Variants in IRAG2 observed in about 807,000 individuals in gnomAD.
The protein encoded by IRAG2 is lymphoid restricted membrane protein.
IRAG2 carries 45 observed loss-of-function variants against 69.9 expected under a neutral mutation model. That is an observed-to-expected ratio of 0.64 (90% CI 0.51 to 0.83). IRAG2 has a LOEUF of 0.83. IRAG2 is among the 40% of genes least tolerant of loss of function. The pLI is 0.00. For missense variants in IRAG2, 520 were observed against 587.0 expected (o/e 0.89, Z 1.18); for synonymous variants, 193 against 202.4 (o/e 0.95, Z 0.40).
chr12:25,015,150 G>GTTTTTTTTTTTTTT (rs1436751678), intron 3 of IRAG2: 1 of 925,694 alleles, frequency 1.1e-6, no homozygotes, highest in African/African-American at 3.0e-5. Context: ...TAGCTCACTG[G>GTTTTTTTTTTTTTT]TTTTGTTTTT....
At chr12:25,021,461 A>C (rs552307732) in intron 7 of IRAG2, among the ~76,000 whole-genome samples, 5 of 152,150 alleles carry the variant, frequency 3.3e-5, no homozygotes, top group Non-Finnish European at 5.9e-5. Context: ...TTAAAAAAAA[A>C]CAGTTATCTC....
exon 16 of IRAG2, chr12:25,038,126 A>G (rs1944716428): frequency 2.5e-6 from 1 of 398,730 alleles, no homozygotes; most frequent in African/African-American, 2.1e-5. Context: ...TCAGAAAAGA[A>G]TTTCTTGCCA....
intron 20 of IRAG2, among the ~76,000 whole-genome samples, chr12:25,106,674 T>A (rs1421474170): frequency 6.7e-6 from 1 of 148,758 alleles, no homozygotes; most frequent in Admixed American, 6.7e-5. Context: ...AATATTCTAT[T>A]GTATATACTT....
At chr12:25,079,808 GAAGC>G (rs754573087) in intron 9 of IRAG2, 45 bp downstream of exon 9, 3 of 1,256,960 alleles carry the variant, frequency 2.4e-6, no homozygotes, top group Admixed American at 3.4e-5. Context: ...TCTAAAACAC[GAAGC>G]AAGTCTATAA....
chr12:25,019,236 A>G (rs1034166434), intron 6 of IRAG2, among the ~76,000 whole-genome samples: 2 of 152,220 alleles, frequency 1.3e-5, no homozygotes, highest in African/African-American at 4.8e-5. Flanking sequence ...TTTGCCATCT[A>G]TGGACAGCTA....
Position 25,090,139 on chromosome 12 carries a change from G to A in IRAG2, c.548G>A (p.Arg183His), listed in dbSNP as rs767356954. ...AGAGTGAAGCTTGAAGAGAGGTCCCGTGACTTGGCAGAAGAAAATTTGAAG... is the reference window on the plus strand; with the variant it reads ...AGAGTGAAGCTTGAAGAGAGGTCCCATGACTTGGCAGAAGAAAATTTGAAG... ...EKRVKLEERS[R>H]DLAEENLKKE... The change falls in exon 14 of 22, where the codon CGT becomes CAT. Residue 183 changes from arginine (R) to histidine (H), a missense_variant. Transcript: ENST00000556887. The A allele has an allele frequency of 1.6e-5, 26 of 1,613,786 alleles. No individual in the cohort carries two copies. The East Asian group carries it at 2.5e-4, about 15-fold the overall frequency.
At chr12:25,057,714 A>G (rs1268591981) in intron 1 of IRAG2, among the ~76,000 whole-genome samples, 6 of 152,180 alleles carry the variant, frequency 3.9e-5, no homozygotes, top group Admixed American at 3.9e-4. Flanking sequence ...GTAGATAAAT[A>G]CACATCAAAA....
rs911134068 is a variant in IRAG2, at chr12:25,069,432, G to A, written c.24+1G>A. The A allele has an allele frequency of 6.2e-6, 10 of 1,613,864 alleles. No homozygotes were observed. The Admixed American group carries it at 6.7e-5, about 11-fold the overall frequency. On this transcript the variant is annotated splice_donor_variant, in intron 6 of 21. Coordinates refer to ENST00000556887, the MANE Select transcript of IRAG2 (RefSeq NM_001366544.2). LOFTEE classifies it high-confidence loss of function. ...GATGAATGATGACCCAAGTATGGAAGTGAGTGTTGGACTGGATTTTGGTTT... is the reference window on the plus strand; with the variant it reads ...GATGAATGATGACCCAAGTATGGAAATGAGTGTTGGACTGGATTTTGGTTT...
At chr12:25,037,765 A>C (rs530885522) in intron 15 of IRAG2, among the ~76,000 whole-genome samples, 30 of 152,216 alleles carry the variant, frequency 2.0e-4, no homozygotes, top group Non-Finnish European at 1.8e-4. Flanking sequence ...TACTTGTTAC[A>C]TTGACATAAC....
chr12:25,064,912 A>G (rs777172097), intron 4 of IRAG2, among the ~76,000 whole-genome samples: 3 of 152,152 alleles, frequency 2.0e-5, no homozygotes, highest in Non-Finnish European at 4.4e-5. Flanking sequence ...CAATATGGTG[A>G]AACCTCGTCT....
At chr12:25,001,547 G>A (rs1324776481), upstream of IRAG2, among the ~76,000 whole-genome samples, 3 of 152,102 alleles carry the variant, frequency 2.0e-5, no homozygotes, top group African/African-American at 7.2e-5. Context: ...ATTAATCTAG[G>A]TCAGTTACAA....
At chr12:25,084,354 C>CA (rs1399956504) in intron 10 of IRAG2, among the ~76,000 whole-genome samples, 1 of 151,890 alleles carries the variant, frequency 6.6e-6, no homozygotes, top group Non-Finnish European at 1.5e-5. Flanking sequence ...CATGCCACTG[C>CA]ACTCCAACCT....
chr12:25,052,079 G>T (rs1024783025), upstream of IRAG2, among the ~76,000 whole-genome samples: 1 of 152,144 alleles, frequency 6.6e-6, no homozygotes, highest in Non-Finnish European at 1.5e-5. Flanking sequence ...TATTTGTGAA[G>T]CATTTATATG....
chr12:25,022,469 G>C (rs892973568), intron 7 of IRAG2, among the ~76,000 whole-genome samples: 7 of 152,106 alleles, frequency 4.6e-5, no homozygotes, highest in African/African-American at 1.7e-4. Context: ...ATTCCAGCCT[G>C]GGTGTCTGAG....
At chr12:25,099,162 A>G (rs1182417760) in intron 15 of IRAG2, among the ~76,000 whole-genome samples, 3 of 151,980 alleles carry the variant, frequency 2.0e-5, no homozygotes, top group Non-Finnish European at 4.4e-5. Flanking sequence ...GTTTAGCCTA[A>G]CCCACTCCCC....
Position 25,103,875 on chromosome 12 carries a change from C to G in IRAG2, c.972C>G (p.Pro324=). 6.2e-7 allele frequency: 1 copy of G among 1,613,308 alleles called. No individual in the cohort carries two copies. The highest frequency in any genetic ancestry group is 8.5e-7 in the Non-Finnish European group (1 of 1,179,472). ...SLRRVTIASL[P]RNIGNAGMVA... ...GAAGAGTGACTATTGCCTCTTTACC[C>G]AGAAATATTGGAAATGCAGGAATGG... The change falls in exon 18 of 22, where the codon CCC becomes CCG. Residue 324 remains proline, a synonymous_variant. Transcript: ENST00000556887.
At chr12:25,047,715 G>A (rs975066457), upstream of IRAG2, among the ~76,000 whole-genome samples, 4 of 152,116 alleles carry the variant, frequency 2.6e-5, no homozygotes, top group Non-Finnish European at 5.9e-5. Context: ...TGTGACGTTT[G>A]GTTTTCTGTT....
intron 20 of IRAG2, among the ~76,000 whole-genome samples, chr12:25,106,284 C>A (rs1311350246): frequency 6.7e-6 from 1 of 149,948 alleles, no homozygotes; most frequent in Non-Finnish European, 1.5e-5. Context: ...TATACACATA[C>A]ACACACGCAC....
intron 6 of IRAG2, among the ~76,000 whole-genome samples, chr12:25,019,382 T>G (rs1336782756): frequency 6.6e-6 from 1 of 152,042 alleles, no homozygotes; most frequent in African/African-American, 2.4e-5. Context: ...GGAGATTGTA[T>G]CGAGTGGTGG....
Sources: allele counts gnomAD v4.1 joint callset (sites outside exome capture counted in the v4.1 genomes callset), GRCh38; gene constraint gnomAD v4.1.1; transcripts MANE v1.5; gene names NCBI Gene and HGNC (gene_info 2026-07-23, HGNC 2026-07-21).